ANKRD44: variants seen among roughly 807,000 people sequenced by gnomAD.
ANKRD44 encodes the protein serine/threonine-protein phosphatase 6 regulatory ankyrin repeat subunit B.
Under a neutral mutation model 116.0 loss-of-function variants are expected in ANKRD44, and 35 were observed. That is an observed-to-expected ratio of 0.30 (90% CI 0.23 to 0.40). The LOEUF (loss-of-function observed/expected upper bound fraction) is 0.40, where lower values mean the gene tolerates loss of function less well. Among genes scored for constraint, ANKRD44 ranks in the 10% least tolerant of loss-of-function variants. The pLI is 1.00. For missense variants in ANKRD44, 1,014 were observed against 1,242.6 expected (o/e 0.82, Z 2.77); for synonymous variants, 435 against 461.8 (o/e 0.94, Z 0.74).
chr2:197,202,249 G>A (rs909899446), intron 1 of ANKRD44, among the ~76,000 whole-genome samples: 1 of 152,166 alleles, frequency 6.6e-6, no homozygotes, highest in African/African-American at 2.4e-5. Flanking sequence ...TAACTGATGC[G>A]CCAGGAGTCC....
At chr2:197,013,850 T>C (rs2076340627) in intron 17 of ANKRD44, 138 bp from the exon 18 acceptor site, 2 of 791,938 alleles carry the variant, frequency 2.5e-6, no homozygotes, top group East Asian at 5.1e-5. Flanking sequence ...CTTGGAATAT[T>C]TATTAAAACT....
rs1158937486 is a variant in ANKRD44 at position 197,273,960 on chromosome 2, CAAAAAAAAA to C, written c.27+36609_27+36617del. On this transcript the variant is annotated intron_variant, in intron 1 of 27. Coordinates refer to ENST00000282272, the MANE Select transcript of ANKRD44 (RefSeq NM_001195144.2). ...TACCTGTAAGCTAGTCAACCAACCA[CAAAAAAAAA>C]AAAAAAAAAAAATATATATATATAT... Among the ~76,000 whole-genome samples, 53 of 9,306 alleles carry C rather than the reference CAAAAAAAAA, an allele frequency of 5.7e-3. 1 individual carries two copies. Among genetic ancestry groups the C allele is most frequent in the African/African-American group, 9.0e-3 (32 of 3,556 alleles). 6.1% of individuals were successfully genotyped at this position (9,306 alleles called of 152,430 possible). A position where few individuals can be genotyped will look rare whatever the true frequency, so the allele number is the denominator to read the frequency against.
Position 197,227,660 on chromosome 2 carries a change from A to C in ANKRD44, c.28-40554T>G, listed in dbSNP as rs183745798. ...AAAAGACAGCTGACTTGTGAGAATA[A>C]GGCATCAGAACAACGGGAGAGTTGA... On this transcript the variant is annotated intron_variant, in intron 1 of 27. Coordinates refer to ENST00000282272, the MANE Select transcript of ANKRD44 (RefSeq NM_001195144.2). Among the ~76,000 whole-genome samples the C allele has an allele frequency of 5.3e-3, 806 of 152,282 alleles. 9 individuals are homozygous for C. The highest frequency in any genetic ancestry group is 0.018 in the African/African-American group (759 of 41,536).
In ANKRD44 at chr2:197,136,585, C is replaced by G. The variant is rs765461849; in HGVS notation, c.261+7G>C. On this transcript the variant is annotated splice_region_variant and intron_variant, in intron 4 of 27. Coordinates refer to ENST00000282272, the MANE Select transcript of ANKRD44 (RefSeq NM_001195144.2). ...TAGGTATTAGATTAAATATGGTAAT[C>G]ACTCACTTCACTTCTGGAAGCAACA... The G allele has an allele frequency of 6.2e-7, 1 of 1,613,122 alleles. No homozygotes were observed. The highest frequency in any genetic ancestry group is 1.3e-5 in the African/African-American group (1 of 74,884).
chr2:197,025,267 G>C lies in ANKRD44; in HGVS notation c.1651C>G (p.Leu551Val). ...AATCCACTGTTTGTTCTTTCCAAAAGCTGTGGAGACAAAAAGCAAACAATA... is the reference window on the plus strand; with the variant it reads ...AATCCACTGTTTGTTCTTTCCAAAACCTGTGGAGACAAAAAGCAAACAATA... ...AYGHRQCLEL[L>V]LERTNSGFEE... Residue 551 changes from leucine to valine, a missense_variant and splice_region_variant, in exon 17 of 28, where the codon CTT becomes GTT. Physicochemically the swap from Leu to Val is conservative, Grantham distance 32. Transcript: ENST00000282272. 6.2e-7 allele frequency: 1 copy of C among 1,609,310 alleles called. No individual in the cohort carries two copies. Among genetic ancestry groups the C allele is most frequent in the Non-Finnish European group, 8.5e-7 (1 of 1,176,186 alleles).
intron 15 of ANKRD44, 130 bp from the exon 16 acceptor site, chr2:197,078,944 G>A (rs2077732975): frequency 3.7e-6 from 3 of 807,456 alleles, no homozygotes; most frequent in African/African-American, 1.8e-5. Context: ...AAATCCTACA[G>A]CAATGAAGTT....
intron 2 of ANKRD44, among the ~76,000 whole-genome samples, chr2:197,151,066 T>G (rs540351737): frequency 2.0e-5 from 3 of 149,958 alleles, no homozygotes; most frequent in African/African-American, 7.4e-5. Flanking sequence ...ATTGCCTGTA[T>G]AGTCTGGGAA....
chr2:196,969,659 T>A (rs2075701332), intron 21 of ANKRD44, among the ~76,000 whole-genome samples: 1 of 152,262 alleles, frequency 6.6e-6, no homozygotes, highest in Non-Finnish European at 1.5e-5. Flanking sequence ...ATGGTAGATT[T>A]AATCAAATGA....
intron 1 of ANKRD44, among the ~76,000 whole-genome samples, chr2:197,205,287 T>C (rs764673970): frequency 2.0e-5 from 3 of 152,208 alleles, no homozygotes; most frequent in Non-Finnish European, 4.4e-5. Context: ...ACTGTAACAC[T>C]GGAATTCTAG....
At chr2:197,063,293 C>T (rs1006875832) in intron 16 of ANKRD44, among the ~76,000 whole-genome samples, 1 of 152,172 alleles carries the variant, frequency 6.6e-6, no homozygotes, top group Non-Finnish European at 1.5e-5. Context: ...CACACCAAAA[C>T]CCCATCTGTA....
At chr2:197,067,253 C>A (rs2077454375) in intron 16 of ANKRD44, among the ~76,000 whole-genome samples, 1 of 151,982 alleles carries the variant, frequency 6.6e-6, no homozygotes, top group Non-Finnish European at 1.5e-5. Flanking sequence ...GAAACTGGAT[C>A]CCTTCCTTAC....
At chr2:196,968,662 T>C (rs1414860657) in intron 21 of ANKRD44, among the ~76,000 whole-genome samples, 1 of 152,174 alleles carries the variant, frequency 6.6e-6, no homozygotes, top group African/African-American at 2.4e-5. Flanking sequence ...CATACCTCAT[T>C]TATCTGGGAC....
intron 25 of ANKRD44, among the ~76,000 whole-genome samples, chr2:196,997,697 C>T (rs1452596646): frequency 2.0e-5 from 3 of 151,996 alleles, no homozygotes; most frequent in South Asian, 2.1e-4. Flanking sequence ...AATCCACCTG[C>T]CTCGGCCTCC....
chr2:197,068,379 G>GAAAAAAAAAAAAAAAAAAAAAAA (rs1196504516), intron 16 of ANKRD44, among the ~76,000 whole-genome samples: 2 of 50,868 alleles, frequency 3.9e-5, no homozygotes, highest in East Asian at 2.1e-3. Flanking sequence ...ATAAAAAAAA[G>GAAAAAAAAAAAAAAAAAAAAAAA]AAAAAAATAA....
chr2:197,274,892 A>T (rs904552536), intron 1 of ANKRD44, among the ~76,000 whole-genome samples: 4 of 152,212 alleles, frequency 2.6e-5, no homozygotes, highest in Admixed American at 2.6e-4. Flanking sequence ...CCAGGAGTTC[A>T]GGATCAGCCT....
intron 2 of ANKRD44, among the ~76,000 whole-genome samples, chr2:197,156,537 G>C (rs1559110989): frequency 6.6e-6 from 1 of 152,226 alleles, no homozygotes; most frequent in African/African-American, 2.4e-5. Context: ...TTGAAAAACA[G>C]TTTGGCAATT....
downstream of ANKRD44, among the ~76,000 whole-genome samples, chr2:196,982,935 T>C (rs4850740): frequency 0.93 from 141,700 of 152,224 alleles, 66,505 homozygotes; most frequent in East Asian, 1. Context: ...GAACAGAAAA[T>C]CAAACACCAC....
At chr2:197,183,303 G>A (rs896622519) in intron 2 of ANKRD44, among the ~76,000 whole-genome samples, 4 of 152,086 alleles carry the variant, frequency 2.6e-5, no homozygotes, top group Admixed American at 6.5e-5. Context: ...ATAATTAAGT[G>A]AATAAATGAG....
intron 1 of ANKRD44, among the ~76,000 whole-genome samples, chr2:197,207,949 T>C (rs1919131): frequency 0.81 from 122,511 of 152,136 alleles, 54,024 homozygotes; most frequent in East Asian, 1. Context: ...TTCTATAAAT[T>C]GTACAGCCAG....
Sources: allele counts gnomAD v4.1 joint callset (sites outside exome capture counted in the v4.1 genomes callset), GRCh38; gene constraint gnomAD v4.1.1; transcripts MANE v1.5; gene names NCBI Gene and HGNC (gene_info 2026-07-23, HGNC 2026-07-21).